Variants in STXBP6 observed in about 807,000 individuals in gnomAD.
STXBP6 encodes syntaxin-binding protein 6.
A neutral mutation model predicts 26.9 loss-of-function variants in STXBP6; 21 were observed. The ratio of observed to expected loss-of-function variants is 0.78; its 90% CI spans 0.55 to 1.12. The LOEUF is 1.12. Ranked by LOEUF, STXBP6 falls within the 50% of genes most tolerant of loss-of-function variation. The pLI, the probability that STXBP6 is intolerant of heterozygous loss-of-function variation, is 0.00. For missense variants in STXBP6, 232 were observed against 257.9 expected, an observed-to-expected ratio of 0.90 and a Z score of 0.69; for synonymous variants, 97 against 92.6, an observed-to-expected ratio of 1.05 and a Z score of -0.27.
At chr14:25,024,388 C>T (rs2075311868) in intron 1 of STXBP6, among the ~76,000 whole-genome samples, 1 of 152,032 alleles carries the variant, frequency 6.6e-6, no homozygotes, top group Non-Finnish European at 1.5e-5. Context: ...GAAAAACTAT[C>T]AGAAGCCTCA....
chr14:25,022,549 C>T (rs1432767695), intron 1 of STXBP6, among the ~76,000 whole-genome samples: 1 of 152,126 alleles, frequency 6.6e-6, no homozygotes. Context: ...GAGAATTTCT[C>T]AAAAGGAAAT....
intron 2 of STXBP6, among the ~76,000 whole-genome samples, chr14:24,932,236 A>G (rs188675705): frequency 7.2e-5 from 11 of 152,330 alleles, no homozygotes; most frequent in Admixed American, 5.2e-4. Flanking sequence ...GTGAAACTCC[A>G]TCTCTACTAA....
intron 1 of STXBP6, among the ~76,000 whole-genome samples, chr14:24,983,860 T>G (rs997421988): frequency 6.6e-6 from 1 of 152,244 alleles, no homozygotes; most frequent in African/African-American, 2.4e-5. Flanking sequence ...TTTTAAGAGT[T>G]TGAAACCTAT....
chr14:24,933,259 C>CT (rs1436739981), intron 2 of STXBP6, among the ~76,000 whole-genome samples: 1 of 152,074 alleles, frequency 6.6e-6, no homozygotes, highest in Non-Finnish European at 1.5e-5. Flanking sequence ...GGAGGATCCC[C>CT]TGAGCAAGGG....
At chr14:24,859,298 G>C (rs2069449514) in intron 2 of STXBP6, among the ~76,000 whole-genome samples, 1 of 152,082 alleles carries the variant, frequency 6.6e-6, no homozygotes, top group African/African-American at 2.4e-5. Context: ...CCAGTTCTTG[G>C]AGTCTGGCTA....
intron 2 of STXBP6, among the ~76,000 whole-genome samples, chr14:24,945,531 C>A (rs2072957845): frequency 6.6e-6 from 1 of 152,014 alleles, no homozygotes; most frequent in Non-Finnish European, 1.5e-5. Flanking sequence ...GATCACGCCA[C>A]TGTACTCTAG....
chr14:24,911,983 G>T (rs2071591347), intron 2 of STXBP6, among the ~76,000 whole-genome samples: 1 of 152,174 alleles, frequency 6.6e-6, no homozygotes, highest in Admixed American at 6.5e-5. Context: ...TTGTAAGACA[G>T]CAAGTGTGGT....
At chr14:24,845,244 C>T (rs925045547) in intron 4 of STXBP6, among the ~76,000 whole-genome samples, 6 of 152,094 alleles carry the variant, frequency 3.9e-5, no homozygotes, top group Admixed American at 6.6e-5. Context: ...GATCTCCTGA[C>T]CTCGTGATCT....
At chr14:24,940,467 C>A (rs1051280757) in intron 2 of STXBP6, among the ~76,000 whole-genome samples, 1 of 152,126 alleles carries the variant, frequency 6.6e-6, no homozygotes, top group Non-Finnish European at 1.5e-5. Flanking sequence ...GTTCATTTTC[C>A]CTTTATCCTC....
At chr14:24,902,357 G>C (rs2071243031) in intron 2 of STXBP6, among the ~76,000 whole-genome samples, 1 of 152,156 alleles carries the variant, frequency 6.6e-6, no homozygotes, top group Non-Finnish European at 1.5e-5. Context: ...TACAGCAAAA[G>C]AAAAAGCTGG....
At chr14:25,006,442 C>A (rs79363317) in intron 1 of STXBP6, among the ~76,000 whole-genome samples, 1 of 152,150 alleles carries the variant, frequency 6.6e-6, no homozygotes, top group Non-Finnish European at 1.5e-5. Flanking sequence ...TATAAAAAAA[C>A]TATGTTTCTA....
chr14:24,921,895 T>C (rs963227787), intron 2 of STXBP6, among the ~76,000 whole-genome samples: 3 of 152,062 alleles, frequency 2.0e-5, no homozygotes, highest in Admixed American at 1.3e-4. Flanking sequence ...CACCTTTCTA[T>C]TGTTGGGTCC....
intron 2 of STXBP6, among the ~76,000 whole-genome samples, chr14:24,873,286 C>G (rs2070008677): frequency 7.0e-6 from 1 of 142,098 alleles, no homozygotes. Context: ...TTTCAGGTTA[C>G]ATTTAGATAA....
At chr14:24,858,159 A>G (rs1010541471) in intron 2 of STXBP6, among the ~76,000 whole-genome samples, 4 of 152,126 alleles carry the variant, frequency 2.6e-5, no homozygotes, top group African/African-American at 9.7e-5. Flanking sequence ...TCGAATAACT[A>G]TGTAGATGCT....
At chr14:25,000,065 A>G (rs1595288326) in intron 1 of STXBP6, among the ~76,000 whole-genome samples, 3 of 151,610 alleles carry the variant, frequency 2.0e-5, no homozygotes, top group African/African-American at 7.3e-5. Context: ...CGCTTCAAAT[A>G]ATTTTTTTTT....
chr14:24,918,359 T>G (rs2071844820), intron 2 of STXBP6, among the ~76,000 whole-genome samples: 1 of 151,810 alleles, frequency 6.6e-6, no homozygotes, highest in African/African-American at 2.4e-5. Context: ...TATTTAAATT[T>G]TGTCAATACA....
At chr14:25,036,487 C>A (rs1472928362) in intron 1 of STXBP6, among the ~76,000 whole-genome samples, 1 of 152,120 alleles carries the variant, frequency 6.6e-6, no homozygotes, top group African/African-American at 2.4e-5. Context: ...TTACTGTACA[C>A]AAAAGAACAT....
At chr14:25,005,412 A>G (rs375600836) in intron 1 of STXBP6, among the ~76,000 whole-genome samples, 3 of 152,214 alleles carry the variant, frequency 2.0e-5, no homozygotes, top group Non-Finnish European at 4.4e-5. Flanking sequence ...TATGACTGCA[A>G]TCATCTGAAA....
chr14:24,948,697 C>T (rs760776535), intron 2 of STXBP6, among the ~76,000 whole-genome samples: 3 of 152,060 alleles, frequency 2.0e-5, no homozygotes, highest in Non-Finnish European at 4.4e-5. Flanking sequence ...AACCAGAGAC[C>T]GCTAGGTTGT....
Sources: allele counts gnomAD v4.1 joint callset (sites outside exome capture counted in the v4.1 genomes callset), GRCh38; gene constraint gnomAD v4.1.1; transcripts MANE v1.5; gene names NCBI Gene and HGNC (gene_info 2026-07-23, HGNC 2026-07-21).